SRRM4: variants seen among roughly 807,000 people sequenced by gnomAD.
SRRM4 encodes serine/arginine repetitive matrix protein 4.
In SRRM4, 33 loss-of-function variants were observed where a neutral mutation model predicts 68.9. That is an observed-to-expected ratio of 0.48 (90% CI 0.36 to 0.64). The LOEUF (loss-of-function observed/expected upper bound fraction) is 0.64. SRRM4 is among the 30% of genes least tolerant of loss of function. SRRM4 has a pLI of 0.00. For synonymous variants in SRRM4, 318 were observed against 318.8 expected (o/e 1.00, Z 0.03); for missense variants, 817 against 827.1 (o/e 0.99, Z 0.15).
chr12:119,088,756 TG>T (rs1346050801), intron 1 of SRRM4, among the ~76,000 whole-genome samples: 1 of 152,128 alleles, frequency 6.6e-6, no homozygotes, highest in Non-Finnish European at 1.5e-5. Flanking sequence ...AGGCTTCTCC[TG>T]ACAGACAAGG....
intron 12 of SRRM4, among the ~76,000 whole-genome samples, chr12:119,155,697 A>G (rs1954467422): frequency 6.6e-6 from 1 of 152,214 alleles, no homozygotes; most frequent in Non-Finnish European, 1.5e-5. Flanking sequence ...AGATCGCACC[A>G]CTGCATTCCA....
chr12:119,099,236 G>A (rs1357783962), intron 1 of SRRM4, among the ~76,000 whole-genome samples: 2 of 152,168 alleles, frequency 1.3e-5, no homozygotes, highest in Admixed American at 1.3e-4. Context: ...CTGGGTTCAA[G>A]CGATTCTCCT....
intron 1 of SRRM4, among the ~76,000 whole-genome samples, chr12:118,999,832 CTTG>C (rs1010277793): frequency 1.3e-5 from 2 of 152,158 alleles, no homozygotes; most frequent in Admixed American, 6.5e-5. Context: ...AACTAATTAA[CTTG>C]TTAATACTTT....
intron 1 of SRRM4, among the ~76,000 whole-genome samples, chr12:119,084,469 G>T (rs561091723): frequency 3.5e-4 from 53 of 152,304 alleles, no homozygotes; most frequent in African/African-American, 1.3e-3. Context: ...ATATCCCAGT[G>T]TACTGAGATT....
chr12:119,125,527 A>C, intron 7 of SRRM4, 48 bp downstream of exon 7: 1 of 1,536,288 alleles, frequency 6.5e-7, no homozygotes, highest in Admixed American at 1.7e-5. Flanking sequence ...AGCCGAGCCC[A>C]GGCTAAGACA....
intron 1 of SRRM4, among the ~76,000 whole-genome samples, chr12:118,990,225 C>T (rs1461856075): frequency 6.6e-6 from 1 of 152,140 alleles, no homozygotes; most frequent in Non-Finnish European, 1.5e-5. Context: ...TCTTAACCAA[C>T]ATGTTTATAG....
intron 8 of SRRM4, among the ~76,000 whole-genome samples, chr12:119,131,978 A>G (rs1356638132): frequency 1.3e-5 from 2 of 152,188 alleles, no homozygotes; most frequent in Admixed American, 6.5e-5. Flanking sequence ...AGCAATGACA[A>G]CGGTTGGGCC....
intron 2 of SRRM4, among the ~76,000 whole-genome samples, chr12:119,109,472 G>T (rs1954128924): frequency 6.6e-6 from 1 of 152,062 alleles, no homozygotes; most frequent in East Asian, 1.9e-4. Context: ...ACATAGATTT[G>T]GTCTTTTCAC....
At chr12:119,140,045 A>G (rs1954354960) in intron 8 of SRRM4, among the ~76,000 whole-genome samples, 1 of 152,136 alleles carries the variant, frequency 6.6e-6, no homozygotes, top group South Asian at 2.1e-4. Flanking sequence ...CATTCCAATT[A>G]CACTCTTTTA....
chr12:119,147,670 A>G (rs1954412752), intron 9 of SRRM4, among the ~76,000 whole-genome samples: 1 of 152,254 alleles, frequency 6.6e-6, no homozygotes, highest in South Asian at 2.1e-4. Flanking sequence ...GATATACCAT[A>G]GTATAATTTA....
intron 2 of SRRM4, among the ~76,000 whole-genome samples, chr12:119,108,856 C>T (rs1314334881): frequency 6.6e-6 from 1 of 152,082 alleles, no homozygotes; most frequent in Non-Finnish European, 1.5e-5. Flanking sequence ...GAATTTGATC[C>T]TGTCATTATG....
At chr12:119,061,306 G>A (rs993173965) in intron 1 of SRRM4, among the ~76,000 whole-genome samples, 7 of 152,184 alleles carry the variant, frequency 4.6e-5, no homozygotes, top group Admixed American at 6.5e-5. Flanking sequence ...AAGAAAAAAA[G>A]GTGTAGCCCT....
chr12:119,109,825 C>T (rs1356583774), intron 2 of SRRM4, among the ~76,000 whole-genome samples: 4 of 152,228 alleles, frequency 2.6e-5, no homozygotes, highest in Non-Finnish European at 1.5e-5. Context: ...CTTCCCTCAA[C>T]TTGTCAAAGT....
At chr12:119,094,791 G>A (rs1339751998) in intron 1 of SRRM4, among the ~76,000 whole-genome samples, 2 of 152,312 alleles carry the variant, frequency 1.3e-5, no homozygotes, top group South Asian at 2.1e-4. Flanking sequence ...TCCCGGTTTA[G>A]GGATCTGTCT....
At chr12:119,141,965 T>G (rs770587745) in intron 8 of SRRM4, among the ~76,000 whole-genome samples, 4 of 152,130 alleles carry the variant, frequency 2.6e-5, no homozygotes, top group Admixed American at 6.5e-5. Context: ...ACCTGGAGGA[T>G]GAATAAATTT....
rs1285473824 is a variant in SRRM4 at position 119,161,256 on chromosome 12, G to A, written c.*4458G>A. The A allele has an allele frequency of 6.6e-6, 1 of 152,062 alleles. No individual in the cohort carries two copies. The highest frequency in any genetic ancestry group is 2.4e-5 in the African/African-American group (1 of 41,370). The allele number at this position is 152,062 out of a possible 1,614,324, so 9.4% of individuals were successfully genotyped here. A position where few individuals can be genotyped will look rare whatever the true frequency, so the allele number is the denominator to read the frequency against. ...CCCCTTTAGCTGAACAGAAAATTTT[G>A]TCTCAGTAAAACGAAGTCAAAAAAC... On this transcript the variant is annotated 3_prime_UTR_variant, in exon 13 of 13. Coordinates refer to ENST00000267260, the MANE Select transcript of SRRM4 (RefSeq NM_194286.4).
At position 119,068,821 on chromosome 12, in the gene SRRM4, C is replaced by T. The variant is rs913050828; in HGVS notation, c.132-33415C>T. 4.6e-5 allele frequency among the ~76,000 whole-genome samples: 7 copies of T among 151,880 alleles called. 1 individual carries two copies. The highest frequency in any genetic ancestry group is 1.2e-4 in the African/African-American group (5 of 41,328). The stretch of plus-strand genomic sequence containing the variant: ...AAGGTGAGGCTTAGAAACAGAGAGG[C>T]GGGGGATGGCAAGGAGAAAGAAACA... On this transcript the variant is annotated intron_variant, in intron 1 of 12. Transcript: ENST00000267260.
At chr12:119,105,650 C>A (rs1954103258) in intron 2 of SRRM4, among the ~76,000 whole-genome samples, 1 of 152,134 alleles carries the variant, frequency 6.6e-6, no homozygotes, top group Non-Finnish European at 1.5e-5. Context: ...ATCCTTTGCC[C>A]ACTTTTTGAT....
intron 7 of SRRM4, 79 bp from the exon 8 acceptor site, chr12:119,130,599 A>C: frequency 7.1e-7 from 1 of 1,399,742 alleles, no homozygotes; most frequent in Non-Finnish European, 9.6e-7. Context: ...TATCATCCTC[A>C]GATCCTGTTG....
Sources: allele counts gnomAD v4.1 joint callset (sites outside exome capture counted in the v4.1 genomes callset), GRCh38; gene constraint gnomAD v4.1.1; transcripts MANE v1.5; gene names NCBI Gene and HGNC (gene_info 2026-07-23, HGNC 2026-07-21).